ZBTB16: variants seen among roughly 807,000 people sequenced by gnomAD.
ZBTB16 encodes zinc finger and BTB domain-containing protein 16.
A neutral mutation model predicts 56.8 loss-of-function variants in ZBTB16; 8 were observed. The observed-to-expected ratio is 0.14, with a 90% confidence interval of 0.08 to 0.25. ZBTB16 has a LOEUF of 0.25. Ranked by LOEUF, ZBTB16 falls within the 10% of genes least tolerant of loss-of-function variation. The pLI, the probability that ZBTB16 is intolerant of heterozygous loss-of-function variation, is 1.00. For synonymous variants in ZBTB16, 363 were observed against 368.5 expected (o/e 0.98, Z 0.17); for missense variants, 625 against 903.0 (o/e 0.69, Z 3.95).
At chr11:114,091,066 T>C (rs1446240504) in intron 2 of ZBTB16, among the ~76,000 whole-genome samples, 1 of 152,170 alleles carries the variant, frequency 6.6e-6, no homozygotes, top group African/African-American at 2.4e-5. Flanking sequence ...TAACCTTCTT[T>C]AGTAAAGACC....
intron 3 of ZBTB16, among the ~76,000 whole-genome samples, chr11:114,169,108 G>A (rs1942881658): frequency 6.6e-6 from 1 of 152,112 alleles, no homozygotes; most frequent in Non-Finnish European, 1.5e-5. Context: ...GGAGGAGAGA[G>A]CTGCCTGTGG....
intron 4 of ZBTB16, among the ~76,000 whole-genome samples, chr11:114,217,392 A>G (rs534695757): frequency 6.6e-6 from 1 of 152,330 alleles, no homozygotes; most frequent in Admixed American, 6.5e-5. Flanking sequence ...GGATGCTTAC[A>G]TGATAGAAAA....
rs370303142 is a variant in ZBTB16, at chr11:114,097,139, AC to A, written c.1268+32572del. Among the ~76,000 whole-genome samples the A allele has an allele frequency of 1.8e-3, 271 of 152,378 alleles. 1 individual carries two copies. The highest frequency in any genetic ancestry group is 6.2e-3 in the African/African-American group (259 of 41,590). On this transcript the variant is annotated intron_variant, in intron 2 of 6. Transcript: ENST00000335953. ...CCTTAACAAGGAAGGAAATTCTGAC[AC>A]ATGGTACAACACAGATTAACTTTGA...
chr11:114,108,797 C>T (rs545714928), intron 2 of ZBTB16, among the ~76,000 whole-genome samples: 1 of 152,236 alleles, frequency 6.6e-6, no homozygotes, highest in East Asian at 1.9e-4. Context: ...ATGTTCAGCT[C>T]ATGCTTTTAA....
intron 3 of ZBTB16, among the ~76,000 whole-genome samples, chr11:114,157,547 C>A (rs1048598000): frequency 6.6e-6 from 1 of 152,198 alleles, no homozygotes; most frequent in Non-Finnish European, 1.5e-5. Flanking sequence ...GGGGGCGTGT[C>A]CCCATCCGCT....
chr11:114,209,263 C>G (rs559945638), intron 4 of ZBTB16: 1 of 507,864 alleles, frequency 2.0e-6, no homozygotes, highest in African/African-American at 2.1e-5. Flanking sequence ...ATTTTGTGTG[C>G]TGGAGAAGGA....
intron 3 of ZBTB16, among the ~76,000 whole-genome samples, chr11:114,163,522 C>T (rs368103055): frequency 2.6e-5 from 4 of 152,148 alleles, no homozygotes; most frequent in East Asian, 1.9e-4. Flanking sequence ...AAATCCCCCA[C>T]GTAACTGCCA....
In ZBTB16 at chr11:114,064,410, C is replaced by G. The variant is rs766915928; in HGVS notation, c.1110C>G (p.Thr370=). 3.7e-6 allele frequency: 6 copies of G among 1,613,984 alleles called. No homozygotes were observed. In the South Asian group the frequency reaches 6.6e-5, roughly 18 times the overall value. Reference sequence around the variant, plus strand: ...TGGCTGTCTCCATGGACTTCAGCACCTATGGGGGGCTGCTGCCCCAGGGCT... The same window carrying G: ...TGGCTGTCTCCATGGACTTCAGCACGTATGGGGGGCTGCTGCCCCAGGGCT... The part of the protein sequence containing the change: ...PALAVSMDFS[T]YGGLLPQGFI... The change falls in exon 2 of 7, where the codon ACC becomes ACG. Residue 370 remains threonine (T), a synonymous_variant. Coordinates refer to ENST00000335953, the MANE Select transcript of ZBTB16 (RefSeq NM_006006.6). This position sits in a 1 kb window ranked among gnomAD's most constrained non-coding sequence, Gnocchi z 4.2.
At chr11:114,216,203 G>C (rs1369245704) in intron 4 of ZBTB16, among the ~76,000 whole-genome samples, 3 of 152,206 alleles carry the variant, frequency 2.0e-5, no homozygotes, top group Non-Finnish European at 4.4e-5. Flanking sequence ...ACAGGCACCT[G>C]TAAAGGCTGC....
At chr11:114,097,256 A>G (rs559718312) in intron 2 of ZBTB16, among the ~76,000 whole-genome samples, 1 of 152,174 alleles carries the variant, frequency 6.6e-6, no homozygotes, top group Admixed American at 6.5e-5. Context: ...ATATAAAGCA[A>G]ATTTGTAGAA....
chr11:114,081,778 G>A (rs1016375111), intron 2 of ZBTB16, among the ~76,000 whole-genome samples: 1 of 152,192 alleles, frequency 6.6e-6, no homozygotes, highest in African/African-American at 2.4e-5. Flanking sequence ...CAGGGCCAGG[G>A]GAGAAAACAA....
chr11:114,087,134 A>C (rs529853152), intron 2 of ZBTB16, among the ~76,000 whole-genome samples: 3 of 152,208 alleles, frequency 2.0e-5, no homozygotes, highest in Non-Finnish European at 4.4e-5. Context: ...TCATCTGCAA[A>C]ATGCTGGTAG....
At chr11:114,124,557 C>CAAAAAAAAAAAAAAAAAAAAACAAA (rs1381254014) in intron 2 of ZBTB16, among the ~76,000 whole-genome samples, 1 of 41,050 alleles carries the variant, frequency 2.4e-5, no homozygotes. Context: ...AAAAAAAAAC[C>CAAAAAAAAAAAAAAAAAAAAACAAA]AAAAAAAAAA....
At position 114,256,430 on chromosome 11, in the gene ZBTB16, G is replaced by A. The variant is rs563936840; in HGVS notation, c.*5875G>A. Among the ~76,000 whole-genome samples the A allele has an allele frequency of 2.6e-4, 39 of 152,272 alleles. No homozygotes were observed. Among genetic ancestry groups the A allele is most frequent in the African/African-American group, 8.7e-4 (36 of 41,548 alleles). On this transcript the variant is annotated 3_prime_UTR_variant, in exon 7 of 7. Coordinates refer to ENST00000335953, the MANE Select transcript of ZBTB16 (RefSeq NM_006006.6). ...GGCTGTGTTAGGATAACTTGCTCAG[G>A]ATTGCACGGCTGGTGAGCAGCAGTC...
Position 114,193,367 on chromosome 11 carries a change from C to T in ZBTB16, c.1453+6329C>T, listed in dbSNP as rs138369145. Among the ~76,000 whole-genome samples, 909 of 152,226 alleles carry T rather than the reference C, an allele frequency of 6.0e-3. 10 individuals are homozygous for T. The highest frequency in any genetic ancestry group is 0.021 in the African/African-American group (861 of 41,530). ...TGCCAGCCTTAGTGTGAGCTGTGGG[C>T]GAGCTCCCCCAGCAGGGAAGAGCCA... On this transcript the variant is annotated intron_variant, in intron 4 of 6. Transcript: ENST00000335953.
At chr11:114,159,985 G>A (rs1942540987) in intron 3 of ZBTB16, among the ~76,000 whole-genome samples, 1 of 151,624 alleles carries the variant, frequency 6.6e-6, no homozygotes, top group Admixed American at 6.6e-5. Flanking sequence ...CTGTGGAGAA[G>A]TGAGTCCAGG....
intron 4 of ZBTB16, among the ~76,000 whole-genome samples, chr11:114,227,879 C>T (rs929662245): frequency 6.6e-6 from 1 of 152,162 alleles, no homozygotes. Context: ...GCAAAATTTG[C>T]ATTTTTAACC....
intron 2 of ZBTB16, among the ~76,000 whole-genome samples, chr11:114,141,734 G>C (rs1056952160): frequency 1.3e-5 from 2 of 152,132 alleles, no homozygotes; most frequent in Non-Finnish European, 1.5e-5. Flanking sequence ...ACTAACTAGT[G>C]GTATCAGGCT....
Position 114,250,866 on chromosome 11 carries a change from T to C in ZBTB16, c.*311T>C, listed in dbSNP as rs1030484626. Among the ~76,000 whole-genome samples, 1 of 152,126 alleles carries C rather than the reference T, an allele frequency of 6.6e-6. No individual in the cohort carries two copies. The highest frequency in any genetic ancestry group is 1.5e-5 in the Non-Finnish European group (1 of 68,024). The stretch of plus-strand genomic sequence containing the variant: ...TTCTCCTTCCTTCACCCAGACCTTC[T>C]TTTATGTGTCCAGAAATGGAGGCTA... On this transcript the variant is annotated 3_prime_UTR_variant, in exon 7 of 7. Coordinates refer to ENST00000335953, the MANE Select transcript of ZBTB16 (RefSeq NM_006006.6). This position sits in a 1 kb window ranked among gnomAD's most constrained non-coding sequence, Gnocchi z 6.0.
Sources: gnomAD v4.1 joint callset for allele counts (sites outside exome capture counted in the v4.1 genomes callset) on GRCh38, gnomAD v4.1.1 for gene constraint, Gnocchi (gnomAD v3.1) non-coding constraint, MANE v1.5 for transcripts, NCBI Gene and HGNC (gene_info 2026-07-23, HGNC 2026-07-21) for gene names.